DTD1: variants seen among roughly 807,000 people sequenced by gnomAD.
The protein encoded by DTD1 is D-tyrosyl-tRNA deacylase 1 homolog.
In DTD1, 13 loss-of-function variants were observed where a neutral mutation model predicts 25.6. The ratio of observed to expected loss-of-function variants is 0.51; its 90% CI spans 0.33 to 0.81. The LOEUF (loss-of-function observed/expected upper bound fraction) is 0.81. Among genes scored for constraint, DTD1 ranks in the 30% least tolerant of loss-of-function variants. The pLI is 0.02. For synonymous variants in DTD1, 110 were observed against 103.6 expected, an observed-to-expected ratio of 1.06 and a Z score of -0.37; for missense variants, 193 against 266.4, an observed-to-expected ratio of 0.72 and a Z score of 1.92.
Position 18,647,934 on chromosome 20 carries a change from A to G in DTD1, c.477+19701A>G, listed in dbSNP as rs151260051. ...AACAGATGGGCAGGGGCCAGGGGAG[A>G]GTGGTGTCATCAACCTAGATGGGGC... is the stretch of plus-strand genomic sequence containing the variant. On this transcript the variant is annotated intron_variant, in intron 4 of 5. Transcript: ENST00000377452. Among the ~76,000 whole-genome samples, 1,198 of 152,108 alleles carry G rather than the reference A, an allele frequency of 7.9e-3. 8 individuals are homozygous for G. Among genetic ancestry groups the G allele is most frequent in the Middle Eastern group, 0.014 (4 of 294 alleles).
chr20:18,623,505 T>G (rs1018139380), intron 3 of DTD1, among the ~76,000 whole-genome samples: 1 of 152,190 alleles, frequency 6.6e-6, no homozygotes, highest in African/African-American at 2.4e-5. Context: ...GGTTTTAGTC[T>G]TATTTTCTAA....
intron 4 of DTD1, among the ~76,000 whole-genome samples, chr20:18,639,179 T>TTTTTA (rs139974142): frequency 1.2e-5 from 1 of 86,830 alleles, no homozygotes; most frequent in Admixed American, 1.2e-4. Context: ...GTTTTTTTTT[T>TTTTTA]AAGAAAAAAA....
At chr20:18,637,857 G>A (rs1251668399) in intron 4 of DTD1, among the ~76,000 whole-genome samples, 3 of 152,160 alleles carry the variant, frequency 2.0e-5, no homozygotes, top group Non-Finnish European at 4.4e-5. Context: ...ATTGTTTCAT[G>A]AATAAGTATC....
In DTD1 at chr20:18,749,947, C is replaced by T. The variant is rs1382237878; in HGVS notation, c.*19+5676C>T. 1.3e-5 allele frequency among the ~76,000 whole-genome samples: 2 copies of T among 152,180 alleles called. No individual in the cohort carries two copies. The highest frequency in any genetic ancestry group is 1.9e-4 in the East Asian group (1 of 5,194). On this transcript the variant is annotated intron_variant, in intron 5 of 5. Transcript: ENST00000377452. The surrounding 1 kb of genome is among the most constrained non-coding windows in gnomAD (Gnocchi z 4.2). ...GGTACTGTCTGGGTTTTGGACAAAG[C>T]GCACAAGGAAAACCATTTATTGATG... is the stretch of plus-strand genomic sequence containing the variant.
At chr20:18,732,981 T>A in intron 4 of DTD1, among the ~76,000 whole-genome samples, 1 of 152,180 alleles carries the variant, frequency 6.6e-6, no homozygotes, top group South Asian at 2.1e-4. Context: ...CATGTGGTTT[T>A]TTTCAAAGCA....
intron 4 of DTD1, among the ~76,000 whole-genome samples, chr20:18,743,203 C>T (rs796807218): frequency 2.6e-4 from 39 of 152,290 alleles, no homozygotes; most frequent in African/African-American, 9.1e-4. Flanking sequence ...GGGCATGTCC[C>T]CTGCTGGCCT....
chr20:18,608,008 C>G (rs977365409), intron 3 of DTD1, among the ~76,000 whole-genome samples: 10 of 152,188 alleles, frequency 6.6e-5, no homozygotes, highest in African/African-American at 2.2e-4. Context: ...GCCACTGCAC[C>G]CAGCCTGTCT....
chr20:18,708,219 ATAT>A lies in DTD1; in HGVS notation c.478-35880_478-35878del, dbSNP rs1568676588. Among the ~76,000 whole-genome samples the A allele has an allele frequency of 5.9e-4, 24 of 40,704 alleles. 1 individual carries two copies. The highest frequency in any genetic ancestry group is 1.6e-3 in the Admixed American group (4 of 2,552). 26.7% of individuals were successfully genotyped at this position (40,704 alleles called of 152,430 possible). A position where few individuals can be genotyped will look rare whatever the true frequency, so the allele number is the denominator to read the frequency against. On this transcript the variant is annotated intron_variant, in intron 4 of 5. Transcript: ENST00000377452. ...ATTATATATATATTTTATATATATA[ATAT>A]ATATATATTTTATATATATATAATA...
At chr20:18,656,486 G>A (rs2060892182) in intron 4 of DTD1, among the ~76,000 whole-genome samples, 1 of 152,174 alleles carries the variant, frequency 6.6e-6, no homozygotes, top group Non-Finnish European at 1.5e-5. Context: ...AGAGGAACAG[G>A]GATCTGGAGT....
chr20:18,723,144 C>T (rs897784063), intron 4 of DTD1, among the ~76,000 whole-genome samples: 4 of 152,130 alleles, frequency 2.6e-5, no homozygotes, highest in Non-Finnish European at 4.4e-5. Context: ...CTGTCCTGTG[C>T]GTTGTTGGAT....
At chr20:18,590,090 C>A (rs1600301924) in intron 1 of DTD1, among the ~76,000 whole-genome samples, 2 of 152,164 alleles carry the variant, frequency 1.3e-5, no homozygotes, top group African/African-American at 2.4e-5. Context: ...GTTTTATGGT[C>A]AGGACAGCAT....
chr20:18,634,295 A>T (rs2060799332), intron 4 of DTD1, among the ~76,000 whole-genome samples: 1 of 152,192 alleles, frequency 6.6e-6, no homozygotes, highest in African/African-American at 2.4e-5. Context: ...ATTGGGGGGC[A>T]GATGGAGGTT....
chr20:18,664,231 G>C (rs761659252), intron 4 of DTD1, among the ~76,000 whole-genome samples: 1 of 152,198 alleles, frequency 6.6e-6, no homozygotes, highest in Non-Finnish European at 1.5e-5. Flanking sequence ...TCTGTGAACA[G>C]AGTTCATGTT....
At chr20:18,643,780 C>T (rs1471949670) in intron 4 of DTD1, 3 of 152,218 alleles carry the variant, frequency 2.0e-5, no homozygotes, top group African/African-American at 7.2e-5. Flanking sequence ...TGGAAGAATA[C>T]AGGCCCATTA....
At chr20:18,708,184 TTATA>T (rs1159250058) in intron 4 of DTD1, among the ~76,000 whole-genome samples, 2 of 92,722 alleles carry the variant, frequency 2.2e-5, no homozygotes, top group Admixed American at 3.3e-4. Context: ...TATATATATT[TTATA>T]TATATATTAT....
intron 3 of DTD1, among the ~76,000 whole-genome samples, chr20:18,627,662 G>A (rs1413960280): frequency 6.6e-6 from 1 of 152,088 alleles, no homozygotes; most frequent in African/African-American, 2.4e-5. Flanking sequence ...CTGTGACCCG[G>A]GTTTTGGATC....
At chr20:18,659,654 C>T (rs1312878339) in intron 4 of DTD1, among the ~76,000 whole-genome samples, 1 of 151,968 alleles carries the variant, frequency 6.6e-6, no homozygotes, top group African/African-American at 2.4e-5. Flanking sequence ...AACATAGGAA[C>T]AGAAAACCAG....
At chr20:18,630,308 A>G (rs2060780350) in intron 4 of DTD1, 1 of 152,064 alleles carries the variant, frequency 6.6e-6, no homozygotes, top group Non-Finnish European at 1.5e-5. Context: ...TTGATATAGT[A>G]CTATTATATT....
intron 3 of DTD1, among the ~76,000 whole-genome samples, chr20:18,598,669 T>C (rs1292798965): frequency 8.4e-6 from 1 of 119,148 alleles, no homozygotes; most frequent in African/African-American, 3.0e-5. Flanking sequence ...GGCTAATTTT[T>C]TTTTGTATTT....
Sources: gnomAD v4.1 joint callset for allele counts (sites outside exome capture counted in the v4.1 genomes callset) on GRCh38, gnomAD v4.1.1 for gene constraint, Gnocchi (gnomAD v3.1) non-coding constraint, MANE v1.5 for transcripts, NCBI Gene and HGNC (gene_info 2026-07-23, HGNC 2026-07-21) for gene names.